KCNB2: variants seen among roughly 807,000 people sequenced by gnomAD.
The protein encoded by KCNB2 is delayed rectifier potassium channel protein.
KCNB2 carries 15 observed loss-of-function variants against 61.5 expected under a neutral mutation model. That is an observed-to-expected ratio of 0.24 (90% CI 0.16 to 0.38). KCNB2 has a LOEUF of 0.38. KCNB2 is among the 10% of genes least tolerant of loss of function. KCNB2 has a pLI of 1.00. For missense variants in KCNB2, 828 were observed against 1,125.2 expected (o/e 0.74, Z 3.78); for synonymous variants, 457 against 446.0 (o/e 1.02, Z -0.31).
chr8:72,753,482 T>C (rs1256229584), intron 2 of KCNB2, among the ~76,000 whole-genome samples: 2 of 152,218 alleles, frequency 1.3e-5, no homozygotes, highest in East Asian at 3.8e-4. Flanking sequence ...GAAAAAGTAG[T>C]TGCAGTTGGG....
chr8:72,790,116 G>A (rs759478264), intron 2 of KCNB2, among the ~76,000 whole-genome samples: 6 of 152,162 alleles, frequency 3.9e-5, no homozygotes, highest in Non-Finnish European at 7.3e-5. Flanking sequence ...TGATATATAA[G>A]TAAATGTTGC....
At chr8:72,848,447 T>G (rs1424455302) in intron 2 of KCNB2, among the ~76,000 whole-genome samples, 1 of 151,988 alleles carries the variant, frequency 6.6e-6, no homozygotes, top group East Asian at 1.9e-4. Flanking sequence ...AATAATAAAT[T>G]TATTATTTGT....
chr8:72,642,289 T>C (rs1487333547), intron 2 of KCNB2, among the ~76,000 whole-genome samples: 1 of 152,200 alleles, frequency 6.6e-6, no homozygotes, highest in Non-Finnish European at 1.5e-5. Flanking sequence ...TTTGGACACA[T>C]TGTATTAAAT....
chr8:72,887,163 C>T (rs562331429), intron 2 of KCNB2, among the ~76,000 whole-genome samples: 10 of 152,132 alleles, frequency 6.6e-5, no homozygotes, highest in Non-Finnish European at 1.3e-4. Flanking sequence ...GAGTATAGAC[C>T]TTAAAATAAA....
At chr8:72,911,565 T>C (rs1455895376) in intron 2 of KCNB2, among the ~76,000 whole-genome samples, 1 of 152,208 alleles carries the variant, frequency 6.6e-6, no homozygotes, top group Non-Finnish European at 1.5e-5. Context: ...CAGGTCCCAT[T>C]ATGGCCTTCA....
At position 72,576,464 on chromosome 8, in the gene KCNB2, G is replaced by A. The variant is rs546309202; in HGVS notation, c.579+8151G>A. Among the ~76,000 whole-genome samples the A allele has an allele frequency of 2.6e-5, 4 of 152,290 alleles. No individual in the cohort carries two copies. In the East Asian group the frequency reaches 5.8e-4, roughly 22 times the overall value. ...TAGTAGAGATTTATAAAGCTCTCAG[G>A]ACACATCCCTCATTGAAAATATTCT... On this transcript the variant is annotated intron_variant, in intron 2 of 2. Transcript: ENST00000523207.
intron 2 of KCNB2, among the ~76,000 whole-genome samples, chr8:72,724,448 G>T (rs565417902): frequency 1.3e-5 from 2 of 152,284 alleles, no homozygotes; most frequent in Admixed American, 1.3e-4. Flanking sequence ...CTGAGTGTTG[G>T]AGGAGAGCTA....
chr8:72,667,536 G>A (rs946738826), intron 2 of KCNB2, among the ~76,000 whole-genome samples: 2 of 152,068 alleles, frequency 1.3e-5, no homozygotes, highest in Non-Finnish European at 2.9e-5. Context: ...AGTTAGTTAA[G>A]ACAGAAACCT....
intron 2 of KCNB2, among the ~76,000 whole-genome samples, chr8:72,741,615 ATGCCTTTGCATCCTCATATCTTAGCTCC>A (rs1807961456): frequency 6.6e-6 from 1 of 151,746 alleles, no homozygotes; most frequent in Non-Finnish European, 1.5e-5. Flanking sequence ...TATCATTTTT[ATGCCTTTGCATCCTCATATCTTAGCTCC>A]CACTGGTAAG....
At chr8:72,779,266 G>A (rs1457862697) in intron 2 of KCNB2, among the ~76,000 whole-genome samples, 1 of 152,164 alleles carries the variant, frequency 6.6e-6, no homozygotes, top group African/African-American at 2.4e-5. Context: ...TGGTGCAGTC[G>A]TTTTTGCCTC....
At chr8:72,667,136 TA>T (rs1806489371) in intron 2 of KCNB2, among the ~76,000 whole-genome samples, 1 of 152,170 alleles carries the variant, frequency 6.6e-6, no homozygotes, top group African/African-American at 2.4e-5. Context: ...AAAGCAGGGA[TA>T]ATGATAAGCA....
At chr8:72,579,170 G>A (rs751251449) in intron 2 of KCNB2, among the ~76,000 whole-genome samples, 23 of 151,956 alleles carry the variant, frequency 1.5e-4, no homozygotes, top group Admixed American at 2.6e-4. Flanking sequence ...TGCCTGCTCC[G>A]CTCAGAGCCC....
At chr8:72,713,371 G>A (rs545861792) in intron 2 of KCNB2, among the ~76,000 whole-genome samples, 20 of 152,194 alleles carry the variant, frequency 1.3e-4, no homozygotes, top group Non-Finnish European at 2.6e-4. Flanking sequence ...CTTCAAGTGG[G>A]TCCCTGACCC....
At chr8:72,596,400 A>T (rs746191988) in intron 2 of KCNB2, among the ~76,000 whole-genome samples, 1 of 152,174 alleles carries the variant, frequency 6.6e-6, no homozygotes, top group South Asian at 2.1e-4. Context: ...TTCCACAGCT[A>T]TAAGTTGTTT....
chr8:72,661,028 A>T (rs1806372513), intron 2 of KCNB2: 1 of 151,996 alleles, frequency 6.6e-6, no homozygotes, highest in Non-Finnish European at 1.5e-5. Flanking sequence ...TATTTTTCAA[A>T]TACATTTTTT....
At chr8:72,738,190 T>C (rs114437009) in intron 2 of KCNB2, among the ~76,000 whole-genome samples, 2,430 of 152,252 alleles carry the variant, frequency 0.016, 69 homozygotes, top group African/African-American at 0.056. Flanking sequence ...TGATCCATAA[T>C]GTCCACCAAC....
At chr8:72,605,643 T>C (rs1199154477) in intron 2 of KCNB2, among the ~76,000 whole-genome samples, 1 of 152,188 alleles carries the variant, frequency 6.6e-6, no homozygotes, top group African/African-American at 2.4e-5. Flanking sequence ...TAAAAAGTGC[T>C]TCAGCCTTTG....
intron 2 of KCNB2, among the ~76,000 whole-genome samples, chr8:72,713,108 G>T (rs909413845): frequency 6.6e-6 from 1 of 152,252 alleles, no homozygotes; most frequent in Non-Finnish European, 1.5e-5. Flanking sequence ...CAGCAAGGCT[G>T]GGGGAGGGGC....
At position 72,561,713 on chromosome 8, in the gene KCNB2, ATATATATATATATAT is replaced by A. The variant is rs1806519552; in HGVS notation, c.-93-5928_-93-5914del. Among the ~76,000 whole-genome samples the A allele has an allele frequency of 1.7e-4, 4 of 23,958 alleles. 1 individual carries two copies. Among genetic ancestry groups the A allele is most frequent in the African/African-American group, 1.1e-3 (4 of 3,606 alleles). The allele number at this position is 23,958 out of a possible 152,430, so 15.7% of individuals were successfully genotyped here. A position where few individuals can be genotyped will look rare whatever the true frequency, so the allele number is the denominator to read the frequency against. On this transcript the variant is annotated intron_variant, in intron 1 of 2. Coordinates refer to ENST00000523207, the MANE Select transcript of KCNB2 (RefSeq NM_004770.3). ...CTTTTATATATATATATATATATAT[ATATATATATATATAT>A]CTATATCTATATATATATGTATATA...
Sources: gnomAD v4.1 joint callset for allele counts (sites outside exome capture counted in the v4.1 genomes callset) on GRCh38, gnomAD v4.1.1 for gene constraint, MANE v1.5 for transcripts, NCBI Gene and HGNC (gene_info 2026-07-23, HGNC 2026-07-21) for gene names.